The following PRIM2 variants were observed in gnomAD, a reference collection of about 807,000 sequenced individuals.
PRIM2 encodes the protein DNA primase subunit 2, also known as DNA primase large subunit.
Under a neutral mutation model 67.3 loss-of-function variants are expected in PRIM2, and 39 were observed. The observed-to-expected ratio is 0.58, with a 90% CI of 0.45 to 0.76. The LOEUF (loss-of-function observed/expected upper bound fraction) is 0.76. PRIM2 is among the 30% of genes least tolerant of loss of function. The pLI is 0.00. For synonymous variants in PRIM2, 143 were observed against 198.7 expected (o/e 0.72, Z 2.36); for missense variants, 398 against 598.7 (o/e 0.66, Z 3.50).
At chr6:57,480,642 C>CT (rs1384130109) in intron 7 of PRIM2, among the ~76,000 whole-genome samples, 3 of 152,014 alleles carry the variant, frequency 2.0e-5, no homozygotes, top group Non-Finnish European at 4.4e-5. Context: ...TTTCTTCTTC[C>CT]TTTTTGAGAT....
Position 57,507,681 on chromosome 6 carries a change from C to A in PRIM2, c.761+227C>A, listed in dbSNP as rs1774278501. Among the ~76,000 whole-genome samples, 10 of 152,168 alleles carry A rather than the reference C, an allele frequency of 6.6e-5. 1 individual carries two copies. In the South Asian group the frequency reaches 2.1e-3, roughly 32 times the overall value. ...AATTCAACAACAGTGTGCTGAACTG[C>A]TTGATAAGTTTAAGTTAAATGAGTA... On this transcript the variant is annotated intron_variant, in intron 8 of 13. Transcript: ENST00000615550.
the PRIM2 span, among the ~76,000 whole-genome samples, chr6:57,293,698 A>C: frequency 6.6e-6 from 1 of 152,186 alleles, no homozygotes; most frequent in Non-Finnish European, 1.5e-5. Flanking sequence ...GACATGGGTG[A>C]AGCTGGAAAC....
intron 12 of PRIM2, among the ~76,000 whole-genome samples, chr6:57,625,915 T>C (rs2127498002): frequency 6.6e-6 from 1 of 152,316 alleles, no homozygotes; most frequent in East Asian, 1.9e-4. Context: ...AAGTCGTATG[T>C]TCAAAAATTT....
At chr6:57,408,859 T>C (rs1770989775) in intron 7 of PRIM2, among the ~76,000 whole-genome samples, 1 of 152,014 alleles carries the variant, frequency 6.6e-6, no homozygotes, top group East Asian at 1.9e-4. Flanking sequence ...TATAGGTGCA[T>C]ACCAGTACAC....
chr6:57,566,304 G>A (rs1464256692), intron 10 of PRIM2, among the ~76,000 whole-genome samples: 4 of 151,738 alleles, frequency 2.6e-5, no homozygotes, highest in Non-Finnish European at 5.9e-5. Flanking sequence ...AAGCATATTG[G>A]GTAGCAGTAG....
At chr6:57,545,090 C>G (rs1775258047) in intron 10 of PRIM2, among the ~76,000 whole-genome samples, 1 of 152,062 alleles carries the variant, frequency 6.6e-6, no homozygotes, top group Non-Finnish European at 1.5e-5. Context: ...CAGTAGATCT[C>G]AGCATCAGCA....
chr6:57,510,979 A>G (rs1774354842), intron 8 of PRIM2, among the ~76,000 whole-genome samples: 1 of 152,126 alleles, frequency 6.6e-6, no homozygotes, highest in Non-Finnish European at 1.5e-5. Context: ...TACCGAGATC[A>G]TTATTAGGTC....
At chr6:57,361,173 C>G (rs200721531) in intron 5 of PRIM2, among the ~76,000 whole-genome samples, 9,132 of 152,188 alleles carry the variant, frequency 0.06, 370 homozygotes, top group Admixed American at 0.1. Flanking sequence ...AGAAGGAAAG[C>G]TATGGATGGG....
chr6:57,539,611 T>TG (rs1775094813), intron 10 of PRIM2, among the ~76,000 whole-genome samples: 1 of 112,050 alleles, frequency 8.9e-6, no homozygotes, highest in Admixed American at 1.0e-4. Context: ...GATTATATTC[T>TG]TTGTGTGTGT....
chr6:57,551,775 A>G (rs1219591899), intron 10 of PRIM2, among the ~76,000 whole-genome samples: 1 of 152,204 alleles, frequency 6.6e-6, no homozygotes, highest in Admixed American at 6.5e-5. Flanking sequence ...TGCTATGAAG[A>G]AATTTTTTCA....
At chr6:57,602,038 A>G (rs1323283335) in intron 11 of PRIM2, among the ~76,000 whole-genome samples, 1 of 151,546 alleles carries the variant, frequency 6.6e-6, no homozygotes, top group African/African-American at 2.4e-5. Context: ...GACAGATAAG[A>G]TAGATCTATA....
the PRIM2 span, among the ~76,000 whole-genome samples, chr6:57,246,649 T>C: frequency 3.5e-4 from 54 of 152,232 alleles, no homozygotes; most frequent in African/African-American, 1.3e-3. Context: ...GAATGGGGAA[T>C]GGTGAGAGAA....
chr6:57,568,601 A>G (rs1775795003), intron 10 of PRIM2, among the ~76,000 whole-genome samples: 1 of 152,266 alleles, frequency 6.6e-6, no homozygotes, highest in South Asian at 2.1e-4. Context: ...AGCAGTAATC[A>G]TGGCTTTTCT....
rs528967216 is a variant in PRIM2 at position 57,380,388 on chromosome 6, C to A, written c.555+392C>A. On this transcript the variant is annotated intron_variant, in intron 6 of 13. Coordinates refer to ENST00000615550, the MANE Select transcript of PRIM2 (RefSeq NM_000947.5). Reference sequence around the variant, plus strand: ...TTTCGCTTCTCTTGACCTCTGACATCGTGGTGTCTTGCCTCATGGTCTCTC... The same window carrying A: ...TTTCGCTTCTCTTGACCTCTGACATAGTGGTGTCTTGCCTCATGGTCTCTC... Among the ~76,000 whole-genome samples the A allele has an allele frequency of 5.3e-3, 809 of 152,270 alleles. 5 individuals carry two copies. Among genetic ancestry groups the A allele is most frequent in the Non-Finnish European group, 6.6e-3 (452 of 68,014 alleles).
chr6:57,538,425 G>A (rs1775044580), intron 10 of PRIM2, among the ~76,000 whole-genome samples: 1 of 152,058 alleles, frequency 6.6e-6, no homozygotes, highest in East Asian at 1.9e-4. Flanking sequence ...CCTATGCCTT[G>A]TTTCTCTTTA....
chr6:57,507,791 G>C (rs1774280458), intron 8 of PRIM2, among the ~76,000 whole-genome samples: 1 of 152,058 alleles, frequency 6.6e-6, no homozygotes, highest in Non-Finnish European at 1.5e-5. Flanking sequence ...ATTGAGGATA[G>C]ATGAGTTAGA....
chr6:57,597,682 T>A (rs1449288926), intron 10 of PRIM2, among the ~76,000 whole-genome samples: 1 of 152,132 alleles, frequency 6.6e-6, no homozygotes, highest in Non-Finnish European at 1.5e-5. Flanking sequence ...CTTTCCCAGG[T>A]TTCTCTGCCT....
At chr6:57,424,619 T>G (rs1180393165) in intron 7 of PRIM2, among the ~76,000 whole-genome samples, 1 of 152,214 alleles carries the variant, frequency 6.6e-6, no homozygotes, top group Non-Finnish European at 1.5e-5. Flanking sequence ...AGATTACCAT[T>G]AAATCAAAGC....
chr6:57,533,500 G>C (rs1289204828), intron 9 of PRIM2, among the ~76,000 whole-genome samples: 42,506 of 152,154 alleles, frequency 0.28, 6,282 homozygotes, highest in East Asian at 0.44. Context: ...AATATGTCTA[G>C]AAATAACAGT....
Sources: gnomAD v4.1 joint callset for allele counts (sites outside exome capture counted in the v4.1 genomes callset) on GRCh38, gnomAD v4.1.1 for gene constraint, MANE v1.5 for transcripts, NCBI Gene and HGNC (gene_info 2026-07-23, HGNC 2026-07-21) for gene names.